The following LARP1 variants were observed in gnomAD, a reference collection of about 807,000 sequenced individuals.
LARP1 encodes the protein la-related protein 1.
A neutral mutation model predicts 122.7 loss-of-function variants in LARP1; 36 were observed. The observed-to-expected ratio is 0.29, with a 90% confidence interval of 0.22 to 0.39. LARP1 has a LOEUF of 0.39. LARP1 is among the 10% of genes least tolerant of loss of function. The probability of loss-of-function intolerance (pLI) is 1.00; values close to 1 mark genes in which losing one functional copy is unlikely to be tolerated. For missense variants in LARP1, 1,040 were observed against 1,403.6 expected (o/e 0.74, Z 4.14); for synonymous variants, 539 against 528.7 (o/e 1.02, Z -0.27).
chr5:154,785,787 T>C (rs551933876), intron 1 of LARP1, among the ~76,000 whole-genome samples: 2 of 152,256 alleles, frequency 1.3e-5, no homozygotes, highest in East Asian at 3.9e-4. Context: ...GGAGCCGCCA[T>C]CCCTATTCCA....
intron 1 of LARP1, among the ~76,000 whole-genome samples, chr5:154,725,388 C>CAAA (rs34840033): frequency 3.3e-5 from 2 of 61,496 alleles, no homozygotes; most frequent in East Asian, 3.7e-4. Flanking sequence ...GACTCTGTCT[C>CAAA]AAAAAAAAAA....
At chr5:154,797,218 GTTGTTTTTTT>G (rs1455629571) in intron 8 of LARP1, among the ~76,000 whole-genome samples, 7 of 66,202 alleles carry the variant, frequency 1.1e-4, no homozygotes, top group Admixed American at 1.6e-4. Flanking sequence ...TTTTGTTGTT[GTTGTTTTTTT>G]TTTTTTTTTT....
In LARP1 at chr5:154,802,513, A is replaced by G; in HGVS notation, c.2109+114A>G. 2 of 1,283,008 alleles carry G rather than the reference A, an allele frequency of 1.6e-6. No homozygotes were observed. The highest frequency in any genetic ancestry group is 2.1e-6 in the Non-Finnish European group (2 of 957,508). 79.5% of individuals were successfully genotyped at this position (1,283,008 alleles called of 1,614,324 possible). A position where few individuals can be genotyped will look rare whatever the true frequency, so the allele number is the denominator to read the frequency against. On this transcript the variant is annotated intron_variant, in intron 11 of 18. Coordinates refer to ENST00000518297, the MANE Select transcript of LARP1 (RefSeq NM_033551.3). The surrounding 1 kb of genome is among the most constrained non-coding windows in gnomAD (Gnocchi z 5.1). ...GCAGGTCCTTATAATTCAGAGTCTC[A>G]GGATTTTTATATATGGGAAGGGGAT...
At chr5:154,695,090 C>G (rs967708497) in intron 1 of LARP1, among the ~76,000 whole-genome samples, 1 of 152,024 alleles carries the variant, frequency 6.6e-6, no homozygotes, top group Non-Finnish European at 1.5e-5. Flanking sequence ...CCGAGATGGG[C>G]GGATTACGAG....
Position 154,800,054 on chromosome 5 carries a change from C to T in LARP1, c.1716+12C>T. 1 of 1,611,506 alleles carries T rather than the reference C, an allele frequency of 6.2e-7. No homozygotes were observed. Among genetic ancestry groups the T allele is most frequent in the East Asian group, 2.2e-5 (1 of 44,874 alleles). On this transcript the variant is annotated intron_variant, in intron 10 of 18. Coordinates refer to ENST00000518297, the MANE Select transcript of LARP1 (RefSeq NM_033551.3). ...CAGCACGGCCCAAGGTGGGTGAGGCCTTGTCCCTTGCCTTGGTTCTAGCAC... is the reference window on the plus strand; with the variant it reads ...CAGCACGGCCCAAGGTGGGTGAGGCTTTGTCCCTTGCCTTGGTTCTAGCAC...
chr5:154,727,302 G>C (rs1017563807), intron 1 of LARP1, among the ~76,000 whole-genome samples: 5 of 152,182 alleles, frequency 3.3e-5, no homozygotes, highest in African/African-American at 9.7e-5. Context: ...GGCCTATTAT[G>C]ATATAACTGC....
At chr5:154,688,159 T>A (rs892123534) in intron 1 of LARP1, among the ~76,000 whole-genome samples, 2 of 152,064 alleles carry the variant, frequency 1.3e-5, no homozygotes, top group African/African-American at 4.8e-5. Flanking sequence ...CACAGGGAGC[T>A]CTATGTGCCA....
chr5:154,794,487 A>G (rs1757591455), intron 7 of LARP1, among the ~76,000 whole-genome samples: 1 of 152,234 alleles, frequency 6.6e-6, no homozygotes, highest in Non-Finnish European at 1.5e-5. Flanking sequence ...CTATACCATT[A>G]CAAAAAGGAA....
intron 14 of LARP1, chr5:154,804,655 C>T (rs974194629): frequency 4.8e-6 from 2 of 417,250 alleles, no homozygotes; most frequent in Admixed American, 6.0e-5. Flanking sequence ...CCTACTATGT[C>T]TTGGGAGGCT....
At chr5:154,813,586 C>T (rs537920085) in intron 18 of LARP1, among the ~76,000 whole-genome samples, 2 of 152,216 alleles carry the variant, frequency 1.3e-5, no homozygotes, top group Non-Finnish European at 2.9e-5. Context: ...TTGTCTTTAT[C>T]GGTTACCAGC....
rs1005700263 is a variant in LARP1, at chr5:154,761,564, C to A, written c.436+5371C>A. On this transcript the variant is annotated intron_variant, in intron 1 of 18. Coordinates refer to ENST00000518297, the MANE Select transcript of LARP1 (RefSeq NM_033551.3). ...CCTGTTTGCAAAACCCAAGACAGCT[C>A]AAAGGGAGTAATTAGGGTGTTGGGG... Among the ~76,000 whole-genome samples the A allele has an allele frequency of 3.9e-5, 6 of 152,176 alleles. No individual in the cohort carries two copies. The South Asian group carries it at 1.2e-3, about 32-fold the overall frequency.
chr5:154,712,895 C>T, exon 1 of LARP1: 1 of 1,595,322 alleles, frequency 6.3e-7, no homozygotes, highest in Non-Finnish European at 8.6e-7. Context: ...CCCTCCAGGG[C>T]CACATAGTGA....
chr5:154,790,418 C>T (rs1483265038), intron 2 of LARP1, 32 bp downstream of exon 2: 2 of 1,598,220 alleles, frequency 1.3e-6, no homozygotes, highest in Non-Finnish European at 1.7e-6. Context: ...CCCAAGGGGA[C>T]TTTCTGGAGT....
chr5:154,759,881 A>G (rs1401351283), intron 1 of LARP1, among the ~76,000 whole-genome samples: 2 of 152,204 alleles, frequency 1.3e-5, no homozygotes, highest in Non-Finnish European at 2.9e-5. Flanking sequence ...GTAGGCTAAT[A>G]TAAGTGTTCT....
At position 154,817,366 on chromosome 5, in the gene LARP1, C is replaced by G. The variant is rs1008772557; in HGVS notation, c.*3270C>G. 6.6e-6 allele frequency: 1 copy of G among 152,576 alleles called. No individual in the cohort carries two copies. The highest frequency in any genetic ancestry group is 1.5e-5 in the Non-Finnish European group (1 of 68,030). 9.5% of individuals were successfully genotyped at this position (152,576 alleles called of 1,614,324 possible). A position where few individuals can be genotyped will look rare whatever the true frequency, so the allele number is the denominator to read the frequency against. On this transcript the variant is annotated 3_prime_UTR_variant, in exon 19 of 19. Transcript: ENST00000518297. ...GCTTTGCGGAGAAGGTTCCACCTTA[C>G]GCTCGTAGTACATTATCTTTACTAT...
chr5:154,712,761 C>G, upstream of LARP1: 1 of 626,364 alleles, frequency 1.6e-6, no homozygotes, highest in Non-Finnish European at 2.9e-6. Flanking sequence ...TAGCCTTGCT[C>G]GGCCAATGAG....
At position 154,803,803 on chromosome 5, in the gene LARP1, G is replaced by A. The variant is rs555204880; in HGVS notation, c.2439+58G>A. ...TGGGTCTACTTCATTGCATTCCAGT[G>A]CTTTGCTTCTCTCCCTTGCCTTGTC... is the stretch of plus-strand genomic sequence containing the variant. On this transcript the variant is annotated intron_variant, in intron 13 of 18. Coordinates refer to ENST00000518297, the MANE Select transcript of LARP1 (RefSeq NM_033551.3). This position sits in a 1 kb window ranked among gnomAD's most constrained non-coding sequence, Gnocchi z 4.4. 590 of 1,512,100 alleles carry A rather than the reference G, an allele frequency of 3.9e-4. 4 individuals are homozygous for A. The African/African-American group carries it at 7.4e-3, about 19-fold the overall frequency. 93.7% of individuals were successfully genotyped at this position (1,512,100 alleles called of 1,614,324 possible).
upstream of LARP1, among the ~76,000 whole-genome samples, chr5:154,753,793 C>G: frequency 6.6e-6 from 1 of 152,222 alleles, no homozygotes; most frequent in African/African-American, 2.4e-5. Flanking sequence ...CTATCCCTAC[C>G]AGTACTTCTC....
intron 1 of LARP1, among the ~76,000 whole-genome samples, chr5:154,730,689 G>C: frequency 6.6e-6 from 1 of 151,704 alleles, no homozygotes; most frequent in East Asian, 1.9e-4. Context: ...GGCCAGGCCG[G>C]TCTCAAACTC....
Sources: gnomAD v4.1 joint callset for allele counts (sites outside exome capture counted in the v4.1 genomes callset) on GRCh38, gnomAD v4.1.1 for gene constraint, Gnocchi (gnomAD v3.1) non-coding constraint, MANE v1.5 for transcripts, NCBI Gene and HGNC (gene_info 2026-07-23, HGNC 2026-07-21) for gene names.